Variants in SETD2 observed in about 807,000 individuals in gnomAD.
SETD2 encodes SET domain containing 2, histone lysine methyltransferase.
SETD2 carries 31 observed loss-of-function variants against 242.1 expected under a neutral mutation model. That is an observed-to-expected ratio of 0.13 (90% CI 0.10 to 0.17). The LOEUF is 0.17. SETD2 is among the 10% of genes least tolerant of loss of function. The pLI is 1.00. For synonymous variants in SETD2, 1,006 were observed against 1,066.5 expected, an observed-to-expected ratio of 0.94 and a Z score of 1.11; for missense variants, 2,481 against 3,046.3, an observed-to-expected ratio of 0.81 and a Z score of 4.37.
At chr3:47,147,986 G>A (rs540971010) in intron 1 of SETD2, among the ~76,000 whole-genome samples, 19 of 150,800 alleles carry the variant, frequency 1.3e-4, no homozygotes, top group African/African-American at 4.4e-4. Flanking sequence ...TGTTCATAAA[G>A]GTATGCTTAG....
intron 19 of SETD2, among the ~76,000 whole-genome samples, chr3:47,018,425 C>T (rs999589645): frequency 6.6e-6 from 1 of 152,206 alleles, no homozygotes; most frequent in East Asian, 1.9e-4. Context: ...CCAGTCATAG[C>T]CATTTCATCA....
intron 18 of SETD2, among the ~76,000 whole-genome samples, chr3:47,030,820 T>A (rs181501225): frequency 1.3e-5 from 2 of 152,206 alleles, no homozygotes; most frequent in East Asian, 3.8e-4. Flanking sequence ...TTTAGTAGCT[T>A]TATTTATAAT....
intron 1 of SETD2, among the ~76,000 whole-genome samples, chr3:47,128,014 CAA>C (rs2043385795): frequency 7.9e-6 from 1 of 126,774 alleles, no homozygotes; most frequent in Non-Finnish European, 1.7e-5. Flanking sequence ...CACACACACA[CAA>C]AATAACATAG....
chr3:47,042,440 G>T, intron 17 of SETD2, 121 bp downstream of exon 17: 1 of 882,206 alleles, frequency 1.1e-6, no homozygotes, highest in Non-Finnish European at 1.8e-6. Flanking sequence ...AAATCCAGCA[G>T]CCTTCAAGCA....
At chr3:47,137,671 A>C (rs1269082416) in intron 1 of SETD2, among the ~76,000 whole-genome samples, 2 of 152,034 alleles carry the variant, frequency 1.3e-5, no homozygotes, top group Admixed American at 6.6e-5. Context: ...GCACTCAATA[A>C]ATATCTGACA....
chr3:47,058,795 G>A (rs2040197356), intron 14 of SETD2, among the ~76,000 whole-genome samples: 1 of 151,736 alleles, frequency 6.6e-6, no homozygotes, highest in Non-Finnish European at 1.5e-5. Flanking sequence ...AGGGGCACAG[G>A]GGAATTTTTT....
intron 1 of SETD2, among the ~76,000 whole-genome samples, chr3:47,133,302 C>A (rs908292202): frequency 6.6e-6 from 1 of 152,252 alleles, no homozygotes; most frequent in African/African-American, 2.4e-5. Flanking sequence ...GATCCTCCCG[C>A]CTTAGCCTCC....
At chr3:47,107,449 T>C (rs1466167503) in intron 5 of SETD2, among the ~76,000 whole-genome samples, 1 of 151,170 alleles carries the variant, frequency 6.6e-6, no homozygotes, top group Non-Finnish European at 1.5e-5. Flanking sequence ...ATTGGAGAAG[T>C]TTATAGTGGA....
At chr3:47,026,139 GGCATGGATATGAACAGACACTT>G (rs1235840357) in intron 18 of SETD2, among the ~76,000 whole-genome samples, 1 of 152,096 alleles carries the variant, frequency 6.6e-6, no homozygotes, top group Non-Finnish European at 1.5e-5. Flanking sequence ...TCAAAACGTG[GGCATGGATATGAACAGACACTT>G]CTCAAAAAAA....
chr3:47,123,814 T>C lies in SETD2; in HGVS notation c.822A>G (p.Gln274=). Residue 274 remains glutamine (Q), a synonymous_variant, in exon 3 of 21, where the codon CAA becomes CAG. Transcript: ENST00000409792. ...CTTCTTTTTTTGAGGAAATATCTGC[T>C]TGCTCATTCAATATTTGAGTTACGT... The part of the protein sequence containing the change: ...EEHVTQILNE[Q]ADISSKKEDS... The C allele has an allele frequency of 6.5e-7, 1 of 1,548,546 alleles. No homozygotes were observed. Among genetic ancestry groups the C allele is most frequent in the Non-Finnish European group, 8.7e-7 (1 of 1,145,302 alleles).
In SETD2 at chr3:47,122,233, G is replaced by T. The variant is rs200127446; in HGVS notation, c.2403C>A (p.Asn801Lys). The change falls in exon 3 of 21, where the codon AAC becomes AAA. Residue 801 changes from asparagine to lysine, a missense_variant. By Grantham distance (94) the Asn-to-Lys change is moderately conservative (BLOSUM62 0). Transcript: ENST00000409792. ...SDIYCTLNDS[N>K]PSLCNSEAEN... ...CAGCTTCAGAGTTACACAAAGAAGG[G>T]TTGCTATCGTTCAAAGTACAGTATA... 11 of 1,613,988 alleles carry T rather than the reference G, an allele frequency of 6.8e-6. No homozygotes were observed. The African/African-American group carries it at 1.5e-4, about 22-fold the overall frequency.
At chr3:47,158,651 CTA>C (rs2106848985) in intron 1 of SETD2, among the ~76,000 whole-genome samples, 1 of 152,230 alleles carries the variant, frequency 6.6e-6, no homozygotes, top group African/African-American at 2.4e-5. Flanking sequence ...TGTTAGTAGA[CTA>C]TGTTCTCAGT....
In SETD2 at chr3:47,017,633, A is replaced by C; in HGVS notation, c.7533+5T>G. Reference sequence around the variant, plus strand: ...CTGGTGGGCTACCAAAAGCAAGGGGAGTACCTTGCGAGCCAGATGTTTAAA... The same window carrying C: ...CTGGTGGGCTACCAAAAGCAAGGGGCGTACCTTGCGAGCCAGATGTTTAAA... On this transcript the variant is annotated splice_donor_5th_base_variant and intron_variant, in intron 20 of 20. Transcript: ENST00000409792. This position sits in a 1 kb window ranked among gnomAD's most constrained non-coding sequence, Gnocchi z 4.8. The C allele has an allele frequency of 2.5e-6, 4 of 1,599,156 alleles. No individual in the cohort carries two copies. The highest frequency in any genetic ancestry group is 3.4e-6 in the Non-Finnish European group (4 of 1,166,284).
chr3:47,121,908 C>T lies in SETD2; in HGVS notation c.2728G>A (p.Ala910Thr), dbSNP rs1305740068. The change falls in exon 3 of 21, where the codon GCA becomes ACA. Residue 910 changes from alanine to threonine, a missense_variant. Physicochemically the swap from Ala to Thr is moderately conservative, Grantham distance 58 (BLOSUM62 0). Coordinates refer to ENST00000409792, the MANE Select transcript of SETD2 (RefSeq NM_014159.7). ...CGENTSPVLD[A>T]VLKSKKSSEF... is the part of the protein sequence containing the mutation. ...GAACTTTTTTTACTCTTTAGCACTG[C>T]ATCCAGAACTGGAGATGTGTTCTCT... is the stretch of plus-strand genomic sequence containing the variant. The T allele has an allele frequency of 6.8e-6, 11 of 1,613,948 alleles. No homozygotes were observed. Among genetic ancestry groups the T allele is most frequent in the Non-Finnish European group, 9.3e-6 (11 of 1,179,988 alleles).
At position 47,017,335 on chromosome 3, in the gene SETD2, C is replaced by T; in HGVS notation, c.7534-81G>A. ...GAGGGGGAGGACAGGGGTGGTAATCCAGCCTGCTGCTTCAGGGCCCTTCTC... is the reference window on the plus strand; with the variant it reads ...GAGGGGGAGGACAGGGGTGGTAATCTAGCCTGCTGCTTCAGGGCCCTTCTC... On this transcript the variant is annotated intron_variant, in intron 20 of 20. Coordinates refer to ENST00000409792, the MANE Select transcript of SETD2 (RefSeq NM_014159.7). This position sits in a 1 kb window ranked among gnomAD's most constrained non-coding sequence, Gnocchi z 4.8. The T allele has an allele frequency of 6.8e-7, 1 of 1,478,542 alleles. No homozygotes were observed. Among genetic ancestry groups the T allele is most frequent in the Non-Finnish European group, 9.3e-7 (1 of 1,077,196 alleles). The allele number at this position is 1,478,542 out of a possible 1,614,324, so 91.6% of individuals were successfully genotyped here.
rs563150022 is a variant in SETD2, at chr3:47,123,210, G to C, written c.1426C>G (p.His476Asp). The C allele has an allele frequency of 1.3e-6, 2 of 1,578,650 alleles. No individual in the cohort carries two copies. The highest frequency in any genetic ancestry group is 2.7e-5 in the African/African-American group (2 of 73,988). ...KKTYSRRTSS[H>D]SSSYRDLRTS... is the part of the protein sequence containing the mutation. The stretch of plus-strand genomic sequence containing the variant: ...CTTAGGTCTCTGTAAGAAGAGGAAT[G>C]AGATGAGGTACGCCTTGAGTATGTC... Residue 476 changes from histidine (H) to aspartate (D), a missense_variant, in exon 3 of 21, where the codon CAT becomes GAT. His to Asp is a moderately conservative substitution (Grantham distance 81). Coordinates refer to ENST00000409792, the MANE Select transcript of SETD2 (RefSeq NM_014159.7).
At chr3:47,124,609 C>A (rs2106731390) in intron 2 of SETD2, 61 bp from the exon 3 acceptor site, 2 of 1,383,844 alleles carry the variant, frequency 1.4e-6, no homozygotes, top group Non-Finnish European at 1.9e-6. Flanking sequence ...AAATGGACTG[C>A]ACAGTTTAAA....
chr3:47,142,881 C>G (rs954210599), intron 1 of SETD2, among the ~76,000 whole-genome samples: 7 of 152,146 alleles, frequency 4.6e-5, no homozygotes, highest in African/African-American at 1.7e-4. Context: ...GTTGGCCAGG[C>G]TGGTCTTGAA....
intron 15 of SETD2, 131 bp downstream of exon 15, chr3:47,056,690 T>C (rs2040095661): frequency 4.3e-6 from 3 of 699,064 alleles, no homozygotes; most frequent in Non-Finnish European, 7.2e-6. Flanking sequence ...ACACAATAGA[T>C]AACCAATACA....
Sources: gnomAD v4.1 joint callset for allele counts (sites outside exome capture counted in the v4.1 genomes callset) on GRCh38, gnomAD v4.1.1 for gene constraint, Gnocchi (gnomAD v3.1) non-coding constraint, MANE v1.5 for transcripts, NCBI Gene and HGNC (gene_info 2026-07-23, HGNC 2026-07-21) for gene names.